Variants in CHGB observed in about 807,000 individuals in gnomAD.
CHGB encodes secretogranin-1.
Under a neutral mutation model 69.9 loss-of-function variants are expected in CHGB, and 46 were observed. That is an observed-to-expected ratio of 0.66 (90% confidence interval 0.52 to 0.84). The LOEUF is 0.84. Ranked by LOEUF, CHGB falls within the 40% of genes least tolerant of loss-of-function variation. The pLI is 0.00. For synonymous variants in CHGB, 312 were observed against 298.2 expected, an observed-to-expected ratio of 1.05 and a Z score of -0.48; for missense variants, 796 against 822.2, an observed-to-expected ratio of 0.97 and a Z score of 0.39.
intron 2 of CHGB, 140 bp downstream of exon 2, chr20:5,916,512 G>A: frequency 1.3e-6 from 1 of 776,000 alleles, no homozygotes. Flanking sequence ...TGTGAGCAAG[G>A]GATGCCCCTC....
intron 1 of CHGB, among the ~76,000 whole-genome samples, chr20:5,912,201 CCTTTT>C (rs2088450829): frequency 2.6e-5 from 4 of 152,064 alleles, no homozygotes; most frequent in African/African-American, 9.6e-5. Context: ...AAGATATATC[CCTTTT>C]CTTAACATGT....
chr20:5,924,660 GT>G (rs1346770398), intron 4 of CHGB, among the ~76,000 whole-genome samples: 2 of 152,014 alleles, frequency 1.3e-5, no homozygotes, highest in South Asian at 2.1e-4. Flanking sequence ...CCCAAACAAT[GT>G]TTTTTTTCCT....
At position 5,922,913 on chromosome 20, in the gene CHGB, C is replaced by G; in HGVS notation, c.769C>G (p.Pro257Ala). 1.2e-6 allele frequency: 2 copies of G among 1,613,386 alleles called. No homozygotes were observed. The highest frequency in any genetic ancestry group is 3.3e-5 in the Admixed American group (2 of 59,924). The stretch of plus-strand genomic sequence containing the variant: ...TCACCCCCAGGAGTCTAAAGGCCAA[C>G]CCCGAAGCCAGGAAGAATCTGAGGA... ...ENHPQESKGQ[P>A]RSQEESEEGE... Residue 257 changes from proline to alanine, a missense_variant, in exon 4 of 5, where the codon CCC (proline) becomes GCC (alanine). By Grantham distance (27) the Pro-to-Ala change is conservative. Around this residue, in one of 3 missense-constraint regions of CHGB, gnomAD observed 518 missense variants for 506.3 expected, o/e 1.02. Coordinates refer to ENST00000378961, the MANE Select transcript of CHGB (RefSeq NM_001819.3).
In CHGB at chr20:5,923,007, G is replaced by T. The variant is rs372693764; in HGVS notation, c.863G>T (p.Ser288Ile). The change falls in exon 4 of 5, where the codon AGC becomes ATC. Residue 288 changes from serine (S) to isoleucine (I), a missense_variant. Physicochemically the swap from Ser to Ile is moderately radical, Grantham distance 142. This residue lies in a region of CHGB where 518 missense variants were observed against 506.3 expected (regional missense o/e 1.02). Transcript: ENST00000378961. Reference protein sequence around the residue: ...RTRPRHHHGRSRPDRSSQGGS... With the variant: ...RTRPRHHHGRIRPDRSSQGGS... ...AGGCCCAGACACCACCACGGGAGGA[G>T]CAGGCCCGACAGGTCCTCTCAAGGA... 6.2e-7 allele frequency: 1 copy of T among 1,611,252 alleles called. No homozygotes were observed. Among genetic ancestry groups the T allele is most frequent in the Non-Finnish European group, 8.5e-7 (1 of 1,178,670 alleles).
chr20:5,918,823 AAAAAAAAAAAAAAAAAAAAAAAG>A (rs1257911828), intron 3 of CHGB, among the ~76,000 whole-genome samples: 7 of 143,444 alleles, frequency 4.9e-5, no homozygotes, highest in African/African-American at 2.0e-4. Context: ...AAAAAAAAAA[AAAAAAAAAAAAAAAAAAAAAAAG>A]AGCAACCTGA....
At chr20:5,914,478 A>G (rs2088464387) in intron 1 of CHGB, 1 of 152,252 alleles carries the variant, frequency 6.6e-6, no homozygotes, top group Non-Finnish European at 1.5e-5. Context: ...CAGCAATACC[A>G]GTAGTTAATA....
Position 5,911,550 on chromosome 20 carries a change from G to A in CHGB, c.-84G>A. 3 of 1,408,036 alleles carry A rather than the reference G, an allele frequency of 2.1e-6. No individual in the cohort carries two copies. Among genetic ancestry groups the A allele is most frequent in the African/African-American group, 1.5e-5 (1 of 67,124 alleles). 87.2% of individuals were successfully genotyped at this position (1,408,036 alleles called of 1,614,324 possible). A position where few individuals can be genotyped will look rare whatever the true frequency, so the allele number is the denominator to read the frequency against. On this transcript the variant is annotated 5_prime_UTR_variant, in exon 1 of 5. Coordinates refer to ENST00000378961, the MANE Select transcript of CHGB (RefSeq NM_001819.3). ...GGAGGCACGCTGGTTTTCCGGGGCCGCTCCATCGCGCCTTCCTCCTGCGCC... is the reference window on the plus strand; with the variant it reads ...GGAGGCACGCTGGTTTTCCGGGGCCACTCCATCGCGCCTTCCTCCTGCGCC...
intron 3 of CHGB, among the ~76,000 whole-genome samples, 179 bp from the exon 4 acceptor site, chr20:5,922,156 C>T (rs1225969853): frequency 6.6e-6 from 1 of 152,140 alleles, no homozygotes; most frequent in Non-Finnish European, 1.5e-5. Context: ...GATTTAAACA[C>T]AGTCAAGGAG....
intron 2 of CHGB, 100 bp downstream of exon 2, chr20:5,916,472 T>C: frequency 2.8e-6 from 3 of 1,056,886 alleles, no homozygotes; most frequent in Non-Finnish European, 4.3e-6. Flanking sequence ...GACATAATCT[T>C]ACAAAGCCAG....
chr20:5,922,109 A>C (rs909965984), intron 3 of CHGB, among the ~76,000 whole-genome samples: 1 of 152,226 alleles, frequency 6.6e-6, no homozygotes, highest in African/African-American at 2.4e-5. Flanking sequence ...CTGGCTGGGC[A>C]TTATGAAGAC....
Position 5,916,225 on chromosome 20 carries a change from G to C in CHGB, c.50-101G>C. 4.8e-6 allele frequency: 4 copies of C among 828,680 alleles called. No individual in the cohort carries two copies. In the South Asian group the frequency reaches 6.4e-5, roughly 13 times the overall value. The allele number at this position is 828,680 out of a possible 1,614,324, so 51.3% of individuals were successfully genotyped here. On this transcript the variant is annotated intron_variant, in intron 1 of 4. Transcript: ENST00000378961. ...TCCAAATATATTTAAGACATTGCCA[G>C]GGGAAAAACAACAACTAATGTGGGG...
At chr20:5,914,257 C>T (rs1006090097) in intron 1 of CHGB, among the ~76,000 whole-genome samples, 3 of 151,958 alleles carry the variant, frequency 2.0e-5, no homozygotes, top group Admixed American at 6.6e-5. Context: ...CAAATTTTAC[C>T]GGAAAAATAC....
At chr20:5,916,266 G>GAA in intron 1 of CHGB, 60 bp from the exon 2 acceptor site, 1 of 1,337,578 alleles carries the variant, frequency 7.5e-7, no homozygotes, top group Non-Finnish European at 1.1e-6. Context: ...TTGTCAGTTG[G>GAA]GGTCACACAG....
At chr20:5,913,769 A>G (rs2088460305) in intron 1 of CHGB, among the ~76,000 whole-genome samples, 1 of 151,240 alleles carries the variant, frequency 6.6e-6, no homozygotes, top group African/African-American at 2.4e-5. Flanking sequence ...AGCTGGGATT[A>G]CAGGTGTGTG....
intron 1 of CHGB, 140 bp downstream of exon 1, chr20:5,911,822 CCTCCCTGGG>C: frequency 1.2e-6 from 1 of 830,656 alleles, no homozygotes; most frequent in South Asian, 2.2e-5. Context: ...CGTTTCTTCT[CCTCCCTGGG>C]TGTTTTCCTT....
At chr20:5,916,295 A>G in intron 1 of CHGB, 31 bp from the exon 2 acceptor site, 1 of 1,604,968 alleles carries the variant, frequency 6.2e-7, no homozygotes, top group East Asian at 2.2e-5. Context: ...AACCAACTCA[A>G]GTCATTTTCC....
chr20:5,924,121 T>C (rs1223541700), intron 4 of CHGB, 21 bp downstream of exon 4: 3 of 1,559,120 alleles, frequency 1.9e-6, no homozygotes, highest in Non-Finnish European at 2.6e-6. Context: ...GGGCTTCTGT[T>C]TAAAAGTACT....
Position 5,922,795 on chromosome 20 carries a change from G to A in CHGB, c.651G>A (p.Ser217=), listed in dbSNP as rs756485119. Residue 217 remains serine (S), a synonymous_variant, in exon 4 of 5, where the codon TCG becomes TCA. Transcript: ENST00000378961. ...AIKKEELVAR[S]ETHAAGHSQE... ...AAAAAGAGGAGTTAGTGGCCAGATC[G>A]GAAACACATGCTGCCGGGCATTCTC... is the stretch of plus-strand genomic sequence containing the variant. 33 of 1,614,106 alleles carry A rather than the reference G, an allele frequency of 2.0e-5. No homozygotes were observed. The highest frequency in any genetic ancestry group is 1.6e-4 in the Middle Eastern group (1 of 6,062).
intron 4 of CHGB, 38 bp downstream of exon 4, chr20:5,924,138 G>A: frequency 6.5e-7 from 1 of 1,528,928 alleles, no homozygotes; most frequent in Non-Finnish European, 8.8e-7. Context: ...TACTTACTCT[G>A]GTCAATGTTA....
Sources: gnomAD v4.1 joint callset for allele counts (sites outside exome capture counted in the v4.1 genomes callset) on GRCh38, gnomAD v4.1.1 for gene constraint, gnomAD v4.1.1 regional missense constraint, MANE v1.5 for transcripts, NCBI Gene and HGNC (gene_info 2026-07-23, HGNC 2026-07-21) for gene names.